ZFPM2: variants seen among roughly 807,000 people sequenced by gnomAD.
ZFPM2 encodes zinc finger protein ZFPM2.
ZFPM2 carries 20 observed loss-of-function variants against 98.6 expected under a neutral mutation model. The ratio of observed to expected loss-of-function variants is 0.20; its 90% CI spans 0.14 to 0.29. The LOEUF (loss-of-function observed/expected upper bound fraction) is 0.29, where lower values mean the gene tolerates loss of function less well. Among genes scored for constraint, ZFPM2 ranks in the 10% least tolerant of loss-of-function variants. ZFPM2 has a pLI of 1.00. For synonymous variants in ZFPM2, 518 were observed against 502.7 expected (o/e 1.03, Z -0.41); for missense variants, 1,310 against 1,388.6 (o/e 0.94, Z 0.90).
intron 3 of ZFPM2, among the ~76,000 whole-genome samples, chr8:105,446,883 G>A (rs1812384454): frequency 6.6e-6 from 1 of 152,002 alleles, no homozygotes; most frequent in Non-Finnish European, 1.5e-5. Flanking sequence ...ACTTTTCAAG[G>A]TAGAATATTC....
chr8:105,752,793 C>T (rs1394499171), intron 5 of ZFPM2, among the ~76,000 whole-genome samples: 3 of 152,006 alleles, frequency 2.0e-5, no homozygotes, highest in Non-Finnish European at 4.4e-5. Context: ...TCTATAGATA[C>T]TTGAAAATAG....
At chr8:105,413,026 G>A (rs1193600666) in intron 1 of ZFPM2, among the ~76,000 whole-genome samples, 4 of 151,836 alleles carry the variant, frequency 2.6e-5, no homozygotes, top group Non-Finnish European at 2.9e-5. Flanking sequence ...GGAGGGGAAC[G>A]TTTTCCTGGG....
At chr8:105,544,034 C>T (rs569868046) in intron 3 of ZFPM2, among the ~76,000 whole-genome samples, 1 of 152,100 alleles carries the variant, frequency 6.6e-6, no homozygotes, top group Non-Finnish European at 1.5e-5. Context: ...GTTTTGGAGG[C>T]CTGCCTTTTG....
intron 5 of ZFPM2, among the ~76,000 whole-genome samples, chr8:105,761,823 C>A (rs1181179722): frequency 1.3e-5 from 2 of 151,746 alleles, no homozygotes; most frequent in East Asian, 3.9e-4. Flanking sequence ...TTTGATAAAA[C>A]AATAGTCTCA....
intron 1 of ZFPM2, among the ~76,000 whole-genome samples, chr8:105,385,165 G>A (rs1357603286): frequency 1.3e-5 from 2 of 152,160 alleles, no homozygotes; most frequent in Non-Finnish European, 2.9e-5. Context: ...GCACAACTGA[G>A]CCTGTGGCCC....
chr8:105,419,372 A>T, intron 2 of ZFPM2, 70 bp downstream of exon 2: 3 of 1,545,038 alleles, frequency 1.9e-6, no homozygotes, highest in South Asian at 1.2e-5. Context: ...AAAAAAATGC[A>T]TAATAGTCCT....
At position 105,330,605 on chromosome 8, in the gene ZFPM2, T is replaced by TAC. The variant is rs1386506340; in HGVS notation, c.40+11625_40+11626insCA. On this transcript the variant is annotated intron_variant, in intron 1 of 7. Coordinates refer to ENST00000407775, the MANE Select transcript of ZFPM2 (RefSeq NM_012082.4). Reference sequence around the variant, plus strand: ...ACATATATATATATACATATATATATATATACACATATATATATATATATA... The same window carrying TAC: ...ACATATATATATATACATATATATATACATATACACATATATATATATATATA... 8.8e-3 allele frequency among the ~76,000 whole-genome samples: 216 copies of TAC among 24,428 alleles called. 3 individuals carry two copies. The highest frequency in any genetic ancestry group is 0.046 in the African/African-American group (200 of 4,366). 16.0% of individuals were successfully genotyped at this position (24,428 alleles called of 152,430 possible).
chr8:105,648,829 T>A (rs1452130756), intron 5 of ZFPM2, among the ~76,000 whole-genome samples: 1 of 152,188 alleles, frequency 6.6e-6, no homozygotes, highest in East Asian at 1.9e-4. Flanking sequence ...CCAGCTTTGT[T>A]CTTTTGGCTT....
At chr8:105,514,201 C>T (rs1813871987) in intron 3 of ZFPM2, among the ~76,000 whole-genome samples, 1 of 151,820 alleles carries the variant, frequency 6.6e-6, no homozygotes, top group Non-Finnish European at 1.5e-5. Context: ...TGGGGTTTCA[C>T]CATGTTGGTT....
intron 5 of ZFPM2, among the ~76,000 whole-genome samples, 178 bp downstream of exon 5, chr8:105,634,535 G>A (rs932643300): frequency 6.6e-6 from 1 of 151,118 alleles, no homozygotes; most frequent in African/African-American, 2.4e-5. Flanking sequence ...TTTTTTTTCT[G>A]TACAACATGA....
At chr8:105,793,073 T>A (rs1029250469) in intron 6 of ZFPM2, among the ~76,000 whole-genome samples, 1 of 152,202 alleles carries the variant, frequency 6.6e-6, no homozygotes, top group African/African-American at 2.4e-5. Flanking sequence ...TTGGAGCATT[T>A]AGTCCATTGA....
chr8:105,495,284 C>T (rs1413704977), intron 3 of ZFPM2, among the ~76,000 whole-genome samples: 7 of 152,144 alleles, frequency 4.6e-5, no homozygotes, highest in South Asian at 4.1e-4. Flanking sequence ...ATGTATAGTC[C>T]TTGGCTTAGT....
intron 2 of ZFPM2, among the ~76,000 whole-genome samples, chr8:105,431,151 G>A (rs1203351614): frequency 2.0e-5 from 3 of 151,726 alleles, no homozygotes; most frequent in Non-Finnish European, 2.9e-5. Flanking sequence ...CAGGTGACCC[G>A]CCCACCTTGA....
At chr8:105,380,947 T>TATAATATATATAACATTAATATATA (rs1810875871) in intron 1 of ZFPM2, among the ~76,000 whole-genome samples, 1 of 54,480 alleles carries the variant, frequency 1.8e-5, no homozygotes, top group Non-Finnish European at 4.4e-5. Flanking sequence ...ATTATTATAC[T>TATAATATATATAACATTAATATATA]TTAAGTTCTG....
chr8:105,327,954 GC>G (rs1339553006), intron 1 of ZFPM2, among the ~76,000 whole-genome samples: 1 of 151,674 alleles, frequency 6.6e-6, no homozygotes, highest in Non-Finnish European at 1.5e-5. Flanking sequence ...CCTTGTGTGT[GC>G]TGAGAAGTTC....
intron 4 of ZFPM2, chr8:105,616,691 C>T (rs755370395): frequency 2.6e-6 from 1 of 389,060 alleles, no homozygotes. Flanking sequence ...ATAAGGTAAC[C>T]AACGGACAGA....
chr8:105,696,900 A>AT (rs1354559623), intron 5 of ZFPM2, among the ~76,000 whole-genome samples: 3 of 152,190 alleles, frequency 2.0e-5, no homozygotes, highest in Non-Finnish European at 4.4e-5. Flanking sequence ...ATCTCTAAAT[A>AT]TAAATCAGAT....
At chr8:105,590,762 G>GCGCACA (rs111553086) in intron 4 of ZFPM2, among the ~76,000 whole-genome samples, 4 of 149,852 alleles carry the variant, frequency 2.7e-5, no homozygotes, top group Non-Finnish European at 4.5e-5. Flanking sequence ...ACGTGCGCAC[G>GCGCACA]CACACACACA....
chr8:105,452,333 T>C (rs767978419), intron 3 of ZFPM2, among the ~76,000 whole-genome samples: 68 of 152,314 alleles, frequency 4.5e-4, no homozygotes, highest in Non-Finnish European at 8.4e-4. Flanking sequence ...TTCTTTCTCG[T>C]TGAACCATAA....
Sources: allele counts gnomAD v4.1 joint callset (sites outside exome capture counted in the v4.1 genomes callset), GRCh38; gene constraint gnomAD v4.1.1; transcripts MANE v1.5; gene names NCBI Gene and HGNC (gene_info 2026-07-23, HGNC 2026-07-21).